The following SCAF11 variants were observed in gnomAD, a reference collection of about 807,000 sequenced individuals.
The protein encoded by SCAF11 is SR-related CTD associated factor 11.
A neutral mutation model predicts 140.5 loss-of-function variants in SCAF11; 47 were observed. The ratio of observed to expected loss-of-function variants is 0.33; its 90% CI spans 0.26 to 0.43. SCAF11 has a LOEUF of 0.43. SCAF11 is among the 20% of genes least tolerant of loss of function. SCAF11 has a pLI of 1.00. For missense variants in SCAF11, 1,645 were observed against 1,705.1 expected, an observed-to-expected ratio of 0.96 and a Z score of 0.62; for synonymous variants, 557 against 579.4, an observed-to-expected ratio of 0.96 and a Z score of 0.55.
At chr12:45,972,776 C>T (rs1356620264) in intron 1 of SCAF11, among the ~76,000 whole-genome samples, 1 of 146,194 alleles carries the variant, frequency 6.8e-6, no homozygotes, top group Non-Finnish European at 1.5e-5. Context: ...AAAGAAAACA[C>T]CACCAAGATG....
chr12:45,985,685 T>TG (rs1946445803), intron 1 of SCAF11, among the ~76,000 whole-genome samples: 2 of 152,354 alleles, frequency 1.3e-5, no homozygotes, highest in South Asian at 4.1e-4. Flanking sequence ...ACAGAGTGGC[T>TG]GACACATAGT....
rs761087699 is a variant in SCAF11 at position 45,927,701 on chromosome 12, A to G, written c.2000T>C (p.Leu667Ser). 1.1e-5 allele frequency: 17 copies of G among 1,611,894 alleles called. No individual in the cohort carries two copies. The highest frequency in any genetic ancestry group is 1.3e-5 in the Non-Finnish European group (15 of 1,179,448). Residue 667 changes from leucine to serine, a missense_variant, in exon 11 of 15, where the codon TTA (leucine) becomes TCA (serine). Leu to Ser is a moderately radical substitution (Grantham distance 145). This residue lies in a region of SCAF11 where 1,582 missense variants were observed against 1,609.2 expected (regional missense o/e 0.98). Coordinates refer to ENST00000369367, the MANE Select transcript of SCAF11 (RefSeq NM_004719.3). ...GGTGTTCAGAAGATTATTTTTTAGT[A>G]AGTTATTTTCAGAGTCTTGAATATT... is the stretch of plus-strand genomic sequence containing the variant. ...FNNIQDSENN[L>S]LKNNLLNTKL...
At chr12:45,942,010 T>C (rs1475513633) in intron 6 of SCAF11, among the ~76,000 whole-genome samples, 1 of 152,246 alleles carries the variant, frequency 6.6e-6, no homozygotes. Flanking sequence ...TTCTGCTCAA[T>C]GAACAGTAAA....
In SCAF11 at chr12:45,980,686, T is replaced by C. The variant is rs117614828; in HGVS notation, c.-22+9667A>G. ...ATCCTTACAGTATTTATGTAACTAA[T>C]TAAGTAACATTTATCTGAGTCCAGT... On this transcript the variant is annotated intron_variant, in intron 1 of 14. Coordinates refer to ENST00000369367, the MANE Select transcript of SCAF11 (RefSeq NM_004719.3). Among the ~76,000 whole-genome samples the C allele has an allele frequency of 1.2e-3, 180 of 152,310 alleles. 2 individuals are homozygous for C. The East Asian group carries it at 0.029, about 25-fold the overall frequency.
rs1555171452 is a variant in SCAF11, at chr12:45,972,945, T to TAGATATATAG, written c.-21-8758_-21-8757insCTATATATCT. ...AGATATATAGATATATATAGATATA[T>TAGATATATAG]ATATAGATATATAGATATATATATA... is the stretch of plus-strand genomic sequence containing the variant. On this transcript the variant is annotated intron_variant, in intron 1 of 14. Coordinates refer to ENST00000369367, the MANE Select transcript of SCAF11 (RefSeq NM_004719.3). Among the ~76,000 whole-genome samples, 910 of 99,124 alleles carry TAGATATATAG rather than the reference T, an allele frequency of 9.2e-3. 105 individuals are homozygous for TAGATATATAG. The highest frequency in any genetic ancestry group is 0.031 in the African/African-American group (619 of 20,258). 65.0% of individuals were successfully genotyped at this position (99,124 alleles called of 152,430 possible).
At chr12:45,960,108 AGAGTT>A (rs1414048800) in intron 3 of SCAF11, among the ~76,000 whole-genome samples, 6 of 152,318 alleles carry the variant, frequency 3.9e-5, no homozygotes, top group East Asian at 1.9e-4. Flanking sequence ...ACTGTCTAGT[AGAGTT>A]AAGTATGTGC....
intron 1 of SCAF11, among the ~76,000 whole-genome samples, chr12:45,978,434 A>C (rs1342457031): frequency 6.6e-6 from 1 of 152,236 alleles, no homozygotes; most frequent in Non-Finnish European, 1.5e-5. Context: ...TTAAGGGATG[A>C]GTTATACATT....
intron 9 of SCAF11, 140 bp from the exon 10 acceptor site, chr12:45,931,752 T>C (rs1326553464): frequency 4.6e-6 from 2 of 437,528 alleles, no homozygotes; most frequent in Admixed American, 4.4e-5. Context: ...GCTAAAAATG[T>C]AAATTCAAGG....
chr12:45,926,211 G>T lies in SCAF11; in HGVS notation c.3490C>A (p.Arg1164=), dbSNP rs950496288. 2 of 1,613,958 alleles carry T rather than the reference G, an allele frequency of 1.2e-6. No homozygotes were observed. The highest frequency in any genetic ancestry group is 1.3e-5 in the African/African-American group (1 of 74,868). Residue 1164 remains arginine (R), a synonymous_variant, in exon 11 of 15, where the codon CGA becomes AGA. Coordinates refer to ENST00000369367, the MANE Select transcript of SCAF11 (RefSeq NM_004719.3). ...LPADVQNYYS[R]RGRNSSGPQS... ...GGACCTGAAGAATTTCTGCCTCGTC[G>T]TGAGTAGTAGTTTTGTACATCTGCT...
intron 1 of SCAF11, among the ~76,000 whole-genome samples, chr12:45,975,984 G>A (rs1179683201): frequency 6.6e-6 from 1 of 152,176 alleles, no homozygotes; most frequent in East Asian, 1.9e-4. Context: ...GTAAACACAA[G>A]TTGTTGGAAA....
rs572065273 is a variant in SCAF11, at chr12:45,990,531, G to A, written c.-200C>T. The A allele has an allele frequency of 1.6e-6, 2 of 1,231,880 alleles. No homozygotes were observed. The highest frequency in any genetic ancestry group is 1.0e-6 in the Non-Finnish European group (1 of 988,212). The allele number at this position is 1,231,880 out of a possible 1,614,324, so 76.3% of individuals were successfully genotyped here. On this transcript the variant is annotated 5_prime_UTR_variant, in exon 1 of 15. Coordinates refer to ENST00000369367, the MANE Select transcript of SCAF11 (RefSeq NM_004719.3). Reference sequence around the variant, plus strand: ...CGGAGGCGGCGGCGAAGCAGGGAGCGACCCAGGTTGCGCTGCTCCGCGCGG... The same window carrying A: ...CGGAGGCGGCGGCGAAGCAGGGAGCAACCCAGGTTGCGCTGCTCCGCGCGG...
intron 1 of SCAF11, among the ~76,000 whole-genome samples, chr12:45,977,752 C>T (rs776625512): frequency 2.6e-5 from 4 of 152,132 alleles, no homozygotes; most frequent in African/African-American, 7.2e-5. Flanking sequence ...TATACTGCCA[C>T]AAGATGAGCT....
chr12:45,943,191 A>G (rs1049667486), intron 6 of SCAF11, among the ~76,000 whole-genome samples: 3 of 152,194 alleles, frequency 2.0e-5, no homozygotes, highest in African/African-American at 7.2e-5. Context: ...AAAACTATTA[A>G]TAACGAAATG....
chr12:45,953,910 T>C, intron 3 of SCAF11: 3 of 957,292 alleles, frequency 3.1e-6, no homozygotes, highest in Non-Finnish European at 2.7e-6. Flanking sequence ...TGTAATCAAC[T>C]AGTTTTAGTA....
At chr12:45,932,071 C>A (rs1394610618) in intron 9 of SCAF11, among the ~76,000 whole-genome samples, 1 of 152,006 alleles carries the variant, frequency 6.6e-6, no homozygotes, top group Non-Finnish European at 1.5e-5. Flanking sequence ...GTGTTAACCA[C>A]CACCCCAATC....
chr12:45,953,410 G>T (rs1484900683), intron 3 of SCAF11, among the ~76,000 whole-genome samples: 2 of 152,122 alleles, frequency 1.3e-5, no homozygotes, highest in African/African-American at 2.4e-5. Flanking sequence ...TGAGCATGGT[G>T]GTGCATGCCT....
In SCAF11 at chr12:45,919,404, C is replaced by G. The variant is rs79901901; in HGVS notation, c.*2644G>C. The G allele has an allele frequency of 0.011, 1,747 of 152,656 alleles. 11 individuals are homozygous for G. The highest frequency in any genetic ancestry group is 0.018 in the Non-Finnish European group (1,230 of 68,014). 9.5% of individuals were successfully genotyped at this position (152,656 alleles called of 1,614,324 possible). ...AAACTTTTGGAATGTTAATGGATAA[C>G]TACTATTAGTCTCAAAATTCTAGGC... On this transcript the variant is annotated 3_prime_UTR_variant, in exon 15 of 15. Transcript: ENST00000369367.
intron 1 of SCAF11, among the ~76,000 whole-genome samples, chr12:45,966,049 A>T (rs10880874): frequency 0.29 from 43,783 of 151,830 alleles, 6,501 homozygotes; most frequent in East Asian, 0.33. Flanking sequence ...CTCTTAGCCT[A>T]TGTGTGCAAC....
At chr12:45,983,491 T>C (rs1456674292) in intron 1 of SCAF11, among the ~76,000 whole-genome samples, 1 of 151,914 alleles carries the variant, frequency 6.6e-6, no homozygotes, top group African/African-American at 2.4e-5. Flanking sequence ...ATTTAAAAAA[T>C]TAAAACACCG....
Sources: allele counts gnomAD v4.1 joint callset (sites outside exome capture counted in the v4.1 genomes callset), GRCh38; gene constraint gnomAD v4.1.1; regional missense constraint gnomAD v4.1.1; transcripts MANE v1.5; gene names NCBI Gene and HGNC (gene_info 2026-07-23, HGNC 2026-07-21).